The following DAB2 variants were observed in gnomAD, a reference collection of about 807,000 sequenced individuals.
DAB2 encodes the protein disabled homolog 2.
DAB2 carries 28 observed loss-of-function variants against 71.6 expected under a neutral mutation model. The ratio of observed to expected loss-of-function variants is 0.39; its 90% CI spans 0.29 to 0.54. The LOEUF (loss-of-function observed/expected upper bound fraction) is 0.54, where lower values mean the gene tolerates loss of function less well. Ranked by LOEUF, DAB2 falls within the 20% of genes least tolerant of loss-of-function variation. The probability of loss-of-function intolerance (pLI) is 0.68; values close to 1 mark genes in which losing one functional copy is unlikely to be tolerated. For synonymous variants in DAB2, 345 were observed against 339.7 expected (o/e 1.02, Z -0.17); for missense variants, 867 against 928.8 (o/e 0.93, Z 0.86).
chr5:39,398,458 G>A (rs376934662), intron 1 of DAB2, among the ~76,000 whole-genome samples: 3 of 152,134 alleles, frequency 2.0e-5, no homozygotes, highest in Admixed American at 6.5e-5. Flanking sequence ...ATATCCTTTC[G>A]CCATTTGGGT....
intron 3 of DAB2, 56 bp downstream of exon 3, chr5:39,393,198 T>A: frequency 1.3e-6 from 2 of 1,557,948 alleles, no homozygotes; most frequent in Admixed American, 3.5e-5. Flanking sequence ...TCTAATATAA[T>A]TCCCTCTCTT....
At chr5:39,392,771 T>C (rs1755266122) in intron 3 of DAB2, among the ~76,000 whole-genome samples, 1 of 152,226 alleles carries the variant, frequency 6.6e-6, no homozygotes, top group Non-Finnish European at 1.5e-5. Flanking sequence ...TGAACAAGTA[T>C]TATTTATTCA....
chr5:39,374,811 T>A lies in DAB2; in HGVS notation c.*5+203A>T, dbSNP rs1307779592. ...CATCCCCAAGGGTATATTACTATTT[T>A]TTGATGTGTTTAGGAATTCTATTCT... On this transcript the variant is annotated intron_variant, in intron 14 of 14. Transcript: ENST00000320816. The A allele has an allele frequency of 9.6e-6, 5 of 521,532 alleles. No individual in the cohort carries two copies. The Admixed American group carries it at 2.0e-4, about 21-fold the overall frequency. 32.3% of individuals were successfully genotyped at this position (521,532 alleles called of 1,614,324 possible).
chr5:39,378,863 G>A (rs994205435), intron 11 of DAB2, among the ~76,000 whole-genome samples: 1 of 152,030 alleles, frequency 6.6e-6, no homozygotes, highest in Non-Finnish European at 1.5e-5. Context: ...CTTATTTCAC[G>A]GATACAGAAA....
chr5:39,400,839 C>T (rs1755480400), intron 1 of DAB2, among the ~76,000 whole-genome samples: 1 of 152,038 alleles, frequency 6.6e-6, no homozygotes, highest in Non-Finnish European at 1.5e-5. Flanking sequence ...TTAGAATGTC[C>T]AGTACTTTGT....
chr5:39,381,335 T>C, intron 11 of DAB2, 119 bp downstream of exon 11: 5 of 1,030,212 alleles, frequency 4.9e-6, no homozygotes, highest in Admixed American at 2.3e-5. Flanking sequence ...AAGGGCTCCC[T>C]GGGATGCTCA....
intron 5 of DAB2, 99 bp downstream of exon 5, chr5:39,390,345 A>T: frequency 7.1e-7 from 1 of 1,402,014 alleles, no homozygotes; most frequent in Non-Finnish European, 9.7e-7. Flanking sequence ...TAGCCCTCTT[A>T]CATCCAATTA....
chr5:39,404,284 A>C (rs1352672953), intron 1 of DAB2, among the ~76,000 whole-genome samples: 1 of 150,350 alleles, frequency 6.7e-6, no homozygotes, highest in African/African-American at 2.4e-5. Context: ...TAGGAGATAT[A>C]CCTAATGTTA....
chr5:39,389,048 T>G, intron 7 of DAB2, 49 bp downstream of exon 7: 1 of 1,587,548 alleles, frequency 6.3e-7, no homozygotes, highest in Admixed American at 1.7e-5. Flanking sequence ...AAACAGGGGC[T>G]TACGCATGTC....
At chr5:39,406,545 A>G (rs1368545823) in intron 1 of DAB2, among the ~76,000 whole-genome samples, 1 of 152,232 alleles carries the variant, frequency 6.6e-6, no homozygotes, top group African/African-American at 2.4e-5. Context: ...AGGGACCCTC[A>G]TAGGAGACCC....
At chr5:39,377,353 C>T (rs957923263) in intron 11 of DAB2, 71 bp from the exon 12 acceptor site, 116 of 1,486,818 alleles carry the variant, frequency 7.8e-5, no homozygotes, top group Non-Finnish European at 9.5e-5. Context: ...TCAGAGAGCA[C>T]AACTCTCTGG....
chr5:39,383,112 T>G lies in DAB2; in HGVS notation c.847A>C (p.Asn283His). ...TTAGGGGTGGGAAAGAAGTTGAGAT[T>G]GGCAGAAAAGGCATTTTCAGGCAAG... ...SFLPENAFSA[N>H]LNFFPTPNPD... Residue 283 changes from asparagine to histidine, a missense_variant, in exon 10 of 15, where the codon AAT (asparagine) becomes CAT (histidine). Around this residue, in one of 2 missense-constraint regions of DAB2, gnomAD observed 740 missense variants for 734.3 expected, o/e 1.01. Transcript: ENST00000320816. 6.2e-7 allele frequency: 1 copy of G among 1,614,148 alleles called. No individual in the cohort carries two copies. Among genetic ancestry groups the G allele is most frequent in the Non-Finnish European group, 8.5e-7 (1 of 1,180,026 alleles).
rs200618196 is a variant in DAB2, at chr5:39,388,799, C to T, written c.624G>A (p.Ser208=). ...ILDDQTNKLK[S]GVDQMDLFGD... is the part of the protein sequence containing the mutation. Reference sequence around the variant, plus strand: ...TCAAACGTCACATATTAATACATACCGATTTCAGTTTGTTAGTTTGGTCAT... The same window carrying T: ...TCAAACGTCACATATTAATACATACTGATTTCAGTTTGTTAGTTTGGTCAT... The change falls in exon 8 of 15, where the codon TCG becomes TCA. Residue 208 remains serine, a splice_region_variant and synonymous_variant. Coordinates refer to ENST00000320816, the MANE Select transcript of DAB2 (RefSeq NM_001343.4). The T allele has an allele frequency of 1.5e-4, 241 of 1,611,734 alleles. No homozygotes were observed. Among genetic ancestry groups the T allele is most frequent in the Admixed American group, 3.7e-4 (22 of 59,974 alleles).
At chr5:39,386,268 A>C (rs1220596094) in intron 9 of DAB2, among the ~76,000 whole-genome samples, 1 of 152,210 alleles carries the variant, frequency 6.6e-6, no homozygotes, top group Non-Finnish European at 1.5e-5. Flanking sequence ...CATTATTTGA[A>C]ACTCATAAAA....
chr5:39,374,963 C>A (rs142000691), intron 14 of DAB2, 51 bp downstream of exon 14: 2 of 1,132,948 alleles, frequency 1.8e-6, no homozygotes, highest in Admixed American at 1.8e-5. Context: ...TTCCATGTCA[C>A]CCTTTCTCAC....
intron 11 of DAB2, 47 bp from the exon 12 acceptor site, chr5:39,377,329 A>T: frequency 6.4e-7 from 1 of 1,557,886 alleles, no homozygotes; most frequent in Non-Finnish European, 8.7e-7. Flanking sequence ...AAGCTTGAAG[A>T]AGATTCTTGA....
chr5:39,381,811 G>A (rs189723411), intron 10 of DAB2, among the ~76,000 whole-genome samples, 195 bp from the exon 11 acceptor site: 4 of 152,268 alleles, frequency 2.6e-5, no homozygotes, highest in Non-Finnish European at 5.9e-5. Context: ...TACAACGGAC[G>A]GACTACTGAG....
intron 1 of DAB2, chr5:39,408,337 C>G (rs1344921451): frequency 6.6e-6 from 1 of 152,170 alleles, no homozygotes; most frequent in Non-Finnish European, 1.5e-5. Context: ...TATGTTGTCT[C>G]TAGGTTCTAG....
intron 1 of DAB2, among the ~76,000 whole-genome samples, chr5:39,398,993 A>AG (rs536825542): frequency 1.3e-3 from 199 of 152,310 alleles, no homozygotes; most frequent in African/African-American, 4.5e-3. Flanking sequence ...AATTTAAAAA[A>AG]GGGATTGGGC....
Sources: gnomAD v4.1 joint callset for allele counts (sites outside exome capture counted in the v4.1 genomes callset) on GRCh38, gnomAD v4.1.1 for gene constraint, gnomAD v4.1.1 regional missense constraint, MANE v1.5 for transcripts, NCBI Gene and HGNC (gene_info 2026-07-23, HGNC 2026-07-21) for gene names.